The following PAX3 variants were observed in gnomAD, a reference collection of about 807,000 sequenced individuals.
PAX3 encodes paired box 3.
A neutral mutation model predicts 51.6 loss-of-function variants in PAX3; 14 were observed. That is an observed-to-expected ratio of 0.27 (90% CI 0.18 to 0.42). The LOEUF (loss-of-function observed/expected upper bound fraction) is 0.42, where lower values mean the gene tolerates loss of function less well. Ranked by LOEUF, PAX3 falls within the 10% of genes least tolerant of loss-of-function variation. PAX3 has a pLI of 1.00. For missense variants in PAX3, 540 were observed against 642.8 expected (o/e 0.84, Z 1.73); for synonymous variants, 280 against 253.4 (o/e 1.11, Z -1.00).
chr2:222,246,831 A>G (rs1693246400), intron 4 of PAX3, among the ~76,000 whole-genome samples: 1 of 152,218 alleles, frequency 6.6e-6, no homozygotes, highest in Non-Finnish European at 1.5e-5. Context: ...AGTATTGTTT[A>G]TATTTGAAAA....
intron 6 of PAX3, among the ~76,000 whole-genome samples, chr2:222,220,561 CAT>C (rs1559263816): frequency 6.6e-6 from 1 of 152,148 alleles, no homozygotes; most frequent in East Asian, 1.9e-4. Context: ...TTGTAAGTAA[CAT>C]ATATACTCTC....
At chr2:222,248,228 C>T (rs1693297776) in intron 4 of PAX3, among the ~76,000 whole-genome samples, 1 of 152,098 alleles carries the variant, frequency 6.6e-6, no homozygotes, top group Admixed American at 6.5e-5. Context: ...ACACAAAAAT[C>T]TGCTAAGAAT....
intron 4 of PAX3, among the ~76,000 whole-genome samples, chr2:222,288,459 A>T (rs1694912753): frequency 6.6e-6 from 1 of 152,254 alleles, no homozygotes; most frequent in Admixed American, 6.5e-5. Context: ...CACAGAAATT[A>T]TGGAAACACG....
chr2:222,215,112 A>T (rs1026646971), intron 7 of PAX3, among the ~76,000 whole-genome samples: 4 of 152,142 alleles, frequency 2.6e-5, no homozygotes, highest in African/African-American at 7.2e-5. Flanking sequence ...CAGGGAGGAA[A>T]ATGCTTAAAA....
At chr2:222,256,094 G>A (rs1046142005) in intron 4 of PAX3, among the ~76,000 whole-genome samples, 3 of 151,864 alleles carry the variant, frequency 2.0e-5, no homozygotes, top group Non-Finnish European at 4.4e-5. Flanking sequence ...ACTCAAAGTT[G>A]TTAGCACCTA....
At chr2:222,284,125 G>GA (rs1694743314) in intron 4 of PAX3, among the ~76,000 whole-genome samples, 1 of 152,130 alleles carries the variant, frequency 6.6e-6, no homozygotes, top group Non-Finnish European at 1.5e-5. Flanking sequence ...AAAGGAGAGG[G>GA]AATTAAGAAG....
At chr2:222,292,021 T>TGTGTGTG (rs1695060663) in intron 4 of PAX3, among the ~76,000 whole-genome samples, 8 of 134,714 alleles carry the variant, frequency 5.9e-5, no homozygotes, top group East Asian at 2.1e-4. Flanking sequence ...TGTGTGTGTG[T>TGTGTGTG]TTCCAACAGC....
intron 4 of PAX3, among the ~76,000 whole-genome samples, chr2:222,251,732 T>TA (rs1164661599): frequency 6.6e-6 from 1 of 152,184 alleles, no homozygotes; most frequent in Admixed American, 6.5e-5. Flanking sequence ...ACCAACAGTG[T>TA]AAAAGTGTTC....
intron 7 of PAX3, among the ~76,000 whole-genome samples, chr2:222,210,723 G>A (rs1691692997): frequency 6.6e-6 from 1 of 152,110 alleles, no homozygotes; most frequent in African/African-American, 2.4e-5. Context: ...ACATCAATAT[G>A]AATCCTTAGA....
At chr2:222,219,663 T>C (rs1692106728) in intron 7 of PAX3, among the ~76,000 whole-genome samples, 1 of 152,212 alleles carries the variant, frequency 6.6e-6, no homozygotes, top group South Asian at 2.1e-4. Flanking sequence ...CCACAGGACT[T>C]GTTTGCTTCC....
At chr2:222,268,383 G>A (rs971356914) in intron 4 of PAX3, among the ~76,000 whole-genome samples, 5 of 152,016 alleles carry the variant, frequency 3.3e-5, no homozygotes, top group Non-Finnish European at 5.9e-5. Flanking sequence ...CAATAGAAGT[G>A]GAATCCAAAA....
In PAX3 at chr2:222,295,579, G is replaced by T. The variant is rs1409667231; in HGVS notation, c.400C>A (p.Arg134=). ...ACCGCGTCCTTGAGTAATTTGTCTCGGATTTCCCAGCTGAACATGCCCGGG... is the reference window on the plus strand; with the variant it reads ...ACCGCGTCCTTGAGTAATTTGTCTCTGATTTCCCAGCTGAACATGCCCGGG... The part of the protein sequence containing the change: ...ENPGMFSWEI[R]DKLLKDAVCD... The change falls in exon 3 of 9, where the codon CGA becomes AGA. Residue 134 remains arginine, a synonymous_variant. Transcript: ENST00000392070. 6.2e-7 allele frequency: 1 copy of T among 1,614,028 alleles called. No individual in the cohort carries two copies. The highest frequency in any genetic ancestry group is 8.5e-7 in the Non-Finnish European group (1 of 1,180,040).
At chr2:222,286,184 T>A (rs1694828137) in intron 4 of PAX3, among the ~76,000 whole-genome samples, 1 of 152,140 alleles carries the variant, frequency 6.6e-6, no homozygotes, top group African/African-American at 2.4e-5. Context: ...GTGATCCACC[T>A]CCCTCGGCCT....
intron 4 of PAX3, among the ~76,000 whole-genome samples, chr2:222,237,330 A>G (rs1051777238): frequency 1.7e-5 from 2 of 116,618 alleles, no homozygotes; most frequent in African/African-American, 5.8e-5. Flanking sequence ...TCACATGCAC[A>G]CACACACACA....
At chr2:222,201,734 T>C (rs1247601419) in intron 8 of PAX3, 2 of 1,462,804 alleles carry the variant, frequency 1.4e-6, no homozygotes, top group African/African-American at 1.4e-5. Context: ...GTCTCAACAA[T>C]TAATAACCGC....
chr2:222,291,426 A>G (rs1468203641), intron 4 of PAX3, among the ~76,000 whole-genome samples: 1 of 152,224 alleles, frequency 6.6e-6, no homozygotes, highest in Non-Finnish European at 1.5e-5. Flanking sequence ...GCGCACCAGC[A>G]CCGCTAGCGG....
chr2:222,201,924 C>A lies in PAX3; in HGVS notation c.1420+20G>T, dbSNP rs749209813. ...TCTCCCTTCCAGGAGAAATTGCCCCCTAAAAAGTCCAAGGCTTACTTTGTC... is the reference window on the plus strand; with the variant it reads ...TCTCCCTTCCAGGAGAAATTGCCCCATAAAAAGTCCAAGGCTTACTTTGTC... On this transcript the variant is annotated intron_variant, in intron 8 of 8. Coordinates refer to ENST00000392070, the MANE Select transcript of PAX3 (RefSeq NM_181458.4). 1 of 1,614,022 alleles carries A rather than the reference C, an allele frequency of 6.2e-7. No homozygotes were observed. The highest frequency in any genetic ancestry group is 8.5e-7 in the Non-Finnish European group (1 of 1,179,960).
intron 7 of PAX3, among the ~76,000 whole-genome samples, chr2:222,212,622 AACACACACACACACAC>A (rs57019405): frequency 2.0e-5 from 3 of 147,932 alleles, no homozygotes; most frequent in Non-Finnish European, 3.0e-5. Flanking sequence ...TGGAAAAACA[AACACACACACACACAC>A]ACACACACAC....
At chr2:222,254,763 C>T (rs1693573457) in intron 4 of PAX3, among the ~76,000 whole-genome samples, 1 of 152,134 alleles carries the variant, frequency 6.6e-6, no homozygotes, top group Admixed American at 6.5e-5. Flanking sequence ...TTAAGGCTCA[C>T]TATTAAGCTT....
Sources: gnomAD v4.1 joint callset for allele counts (sites outside exome capture counted in the v4.1 genomes callset) on GRCh38, gnomAD v4.1.1 for gene constraint, MANE v1.5 for transcripts, NCBI Gene and HGNC (gene_info 2026-07-23, HGNC 2026-07-21) for gene names.